Variants in SLC8A3 observed in about 807,000 individuals in gnomAD.
SLC8A3 encodes the protein sodium/calcium exchanger 3.
Under a neutral mutation model 65.4 loss-of-function variants are expected in SLC8A3, and 37 were observed. The observed-to-expected ratio is 0.57, with a 90% CI of 0.44 to 0.74. The LOEUF (loss-of-function observed/expected upper bound fraction) is 0.74, where lower values mean the gene tolerates loss of function less well. SLC8A3 is among the 30% of genes least tolerant of loss of function. The probability of loss-of-function intolerance (pLI) is 0.00; values close to 1 mark genes in which losing one functional copy is unlikely to be tolerated. For synonymous variants in SLC8A3, 461 were observed against 444.5 expected, an observed-to-expected ratio of 1.04 and a Z score of -0.47; for missense variants, 1,112 against 1,172.1, an observed-to-expected ratio of 0.95 and a Z score of 0.75.
intron 3 of SLC8A3, among the ~76,000 whole-genome samples, chr14:70,056,759 A>G (rs916832143): frequency 7.2e-5 from 11 of 152,204 alleles, no homozygotes; most frequent in Admixed American, 7.2e-4. Flanking sequence ...CTATACATAG[A>G]TGAGAGATGA....
In SLC8A3 at chr14:70,167,777, A is replaced by C; in HGVS notation, c.646T>G (p.Trp216Gly). ...TAAWSIFAYI[W>G]LYMILAVFSP... ...AAGACTGCCAGAATCATATAGAGCC[A>C]GATGTAGGCAAAGATACTCCAAGCA... The change falls in exon 2 of 7, where the codon TGG becomes GGG. Residue 216 changes from tryptophan (W) to glycine (G), a missense_variant. Coordinates refer to ENST00000356921, the MANE Select transcript of SLC8A3 (RefSeq NM_182932.3). The C allele has an allele frequency of 6.2e-7, 1 of 1,614,196 alleles. No individual in the cohort carries two copies.
intron 3 of SLC8A3, among the ~76,000 whole-genome samples, chr14:70,057,050 G>A (rs1888207127): frequency 6.6e-6 from 1 of 152,082 alleles, no homozygotes; most frequent in African/African-American, 2.4e-5. Flanking sequence ...GTGTTGTGGG[G>A]GAACCAGGGG....
intron 2 of SLC8A3, among the ~76,000 whole-genome samples, chr14:70,153,016 C>T (rs538517929): frequency 3.9e-4 from 59 of 152,286 alleles, no homozygotes; most frequent in African/African-American, 1.3e-3. Context: ...CCCAGGCAGG[C>T]GTCAGGCTGT....
At chr14:70,171,275 A>G (rs968306859) in intron 1 of SLC8A3, among the ~76,000 whole-genome samples, 2 of 152,184 alleles carry the variant, frequency 1.3e-5, no homozygotes, top group South Asian at 2.1e-4. Flanking sequence ...GTGAAAGGAC[A>G]TGGAACATTG....
chr14:70,110,673 CTT>C (rs71102684), intron 2 of SLC8A3, among the ~76,000 whole-genome samples: 8 of 91,862 alleles, frequency 8.7e-5, no homozygotes, highest in Admixed American at 1.3e-4. Context: ...ATACCTCTTT[CTT>C]TTTTTTTTTT....
intron 2 of SLC8A3, among the ~76,000 whole-genome samples, chr14:70,109,012 T>G (rs887292846): frequency 2.6e-5 from 4 of 152,206 alleles, no homozygotes; most frequent in Admixed American, 1.3e-4. Context: ...ATCTAAAGTT[T>G]ATCCATTGAT....
At chr14:70,126,570 T>TCACACACACACACA (rs55776930) in intron 2 of SLC8A3, among the ~76,000 whole-genome samples, 1 of 116,996 alleles carries the variant, frequency 8.5e-6, no homozygotes, top group African/African-American at 3.2e-5. Flanking sequence ...TCTCTCTCTC[T>TCACACACACACACA]CACACACACA....
intron 2 of SLC8A3, chr14:70,063,969 G>A (rs757549443): frequency 4.4e-6 from 5 of 1,138,146 alleles, no homozygotes; most frequent in Non-Finnish European, 6.6e-6. Context: ...AAGGAGTAGA[G>A]TGTAGGACAA....
chr14:70,145,421 G>T (rs1313390594), intron 2 of SLC8A3, among the ~76,000 whole-genome samples: 1 of 152,182 alleles, frequency 6.6e-6, no homozygotes, highest in East Asian at 1.9e-4. Flanking sequence ...GTTGGTGCCT[G>T]CACACCCACA....
intron 2 of SLC8A3, among the ~76,000 whole-genome samples, chr14:70,068,006 C>G (rs547206151): frequency 6.6e-6 from 1 of 152,230 alleles, no homozygotes; most frequent in African/African-American, 2.4e-5. Flanking sequence ...CCAATGCACA[C>G]AGCGTTCCCA....
intron 2 of SLC8A3, among the ~76,000 whole-genome samples, chr14:70,139,935 T>A (rs1348904196): frequency 6.6e-6 from 1 of 152,136 alleles, no homozygotes; most frequent in African/African-American, 2.4e-5. Flanking sequence ...CCCCTACCCC[T>A]CTGCAAGTTC....
chr14:70,131,134 G>A (rs1894803337), intron 2 of SLC8A3, among the ~76,000 whole-genome samples: 1 of 152,170 alleles, frequency 6.6e-6, no homozygotes, highest in South Asian at 2.1e-4. Context: ...GCTCTGTTGT[G>A]GAGAACATGG....
At chr14:70,058,149 C>G (rs1201059303) in intron 3 of SLC8A3, among the ~76,000 whole-genome samples, 1 of 152,158 alleles carries the variant, frequency 6.6e-6, no homozygotes, top group South Asian at 2.1e-4. Flanking sequence ...AATCCAGTCT[C>G]TCATTTTTTT....
At position 70,166,956 on chromosome 14, in the gene SLC8A3, T is replaced by C. The variant is rs145341145; in HGVS notation, c.1467A>G (p.Ile489Met). The change falls in exon 2 of 7, where the codon ATA becomes ATG. Residue 489 changes from isoleucine (I) to methionine (M), a missense_variant. By Grantham distance (10) the Ile-to-Met change is conservative. Transcript: ENST00000356921. ...TCCCCTCCTCTGGCTGCTCCTCCTC[T>C]ATGCGGACATTGCTCAACCTTACAA... Reference protein sequence around the residue: ...HFFVRLSNVRIEEEQPEEGMP... With the variant: ...HFFVRLSNVRMEEEQPEEGMP... 192 of 1,614,184 alleles carry C rather than the reference T, an allele frequency of 1.2e-4. 1 individual carries two copies. The African/African-American group carries it at 2.2e-3, about 18-fold the overall frequency.
rs761203969 is a variant in SLC8A3 at position 70,048,866 on chromosome 14, C to T, written c.2290G>A (p.Ala764Thr). 1.2e-5 allele frequency: 20 copies of T among 1,613,964 alleles called. No individual in the cohort carries two copies. The highest frequency in any genetic ancestry group is 5.3e-5 in the African/African-American group (4 of 74,928). ...TGCGAGGCCAGGTCCCCAATGATGG[C>T]GGTGAGCATGCCAATGATGAGGATG... Reference protein sequence around the residue: ...VSILIIGMLTAIIGDLASHFG... With the variant: ...VSILIIGMLTTIIGDLASHFG... Residue 764 changes from alanine (A) to threonine (T), a missense_variant, in exon 6 of 7, where the codon GCC (alanine) becomes ACC (threonine). Ala to Thr is a moderately conservative substitution (Grantham distance 58). Transcript: ENST00000356921.
At chr14:70,054,781 A>G (rs1594895324) in intron 3 of SLC8A3, among the ~76,000 whole-genome samples, 2 of 152,144 alleles carry the variant, frequency 1.3e-5, no homozygotes, top group Non-Finnish European at 2.9e-5. Flanking sequence ...GGCTCCCAGA[A>G]GGCTTATGTC....
chr14:70,167,881 A>T lies in SLC8A3; in HGVS notation c.542T>A (p.Ile181Asn), dbSNP rs756567045. The T allele has an allele frequency of 9.3e-6, 15 of 1,614,074 alleles. No homozygotes were observed. The East Asian group carries it at 2.9e-4, about 31-fold the overall frequency. ...VGSAAFNMFI[I>N]IGICVYVIPD... ...GATCACGTAGACACAGATGCCAATGATGATGAACATGTTGAAGGCTGCACT... is the reference window on the plus strand; with the variant it reads ...GATCACGTAGACACAGATGCCAATGTTGATGAACATGTTGAAGGCTGCACT... The change falls in exon 2 of 7, where the codon ATC becomes AAC. Residue 181 changes from isoleucine to asparagine, a missense_variant. Ile to Asn is a moderately radical substitution (Grantham distance 149, BLOSUM62 -3). Transcript: ENST00000356921.
At chr14:70,184,687 T>C (rs1045094308) in intron 1 of SLC8A3, among the ~76,000 whole-genome samples, 5 of 152,218 alleles carry the variant, frequency 3.3e-5, no homozygotes, top group Admixed American at 2.6e-4. Flanking sequence ...TAAATCACTT[T>C]ATACAGTAAT....
intron 1 of SLC8A3, among the ~76,000 whole-genome samples, chr14:70,174,736 T>C (rs1475427482): frequency 7.6e-6 from 1 of 132,322 alleles, no homozygotes; most frequent in Non-Finnish European, 1.6e-5. Flanking sequence ...GGTACAGCCA[T>C]GAACCACTTC....
Sources: gnomAD v4.1 joint callset for allele counts (sites outside exome capture counted in the v4.1 genomes callset) on GRCh38, gnomAD v4.1.1 for gene constraint, MANE v1.5 for transcripts, NCBI Gene and HGNC (gene_info 2026-07-23, HGNC 2026-07-21) for gene names.